Variants in CNTN5 observed in about 807,000 individuals in gnomAD.
CNTN5 encodes contactin 5.
CNTN5 carries 77 observed loss-of-function variants against 129.1 expected under a neutral mutation model. The ratio of observed to expected loss-of-function variants is 0.60; its 90% confidence interval spans 0.50 to 0.72. The LOEUF (loss-of-function observed/expected upper bound fraction) is 0.72, where lower values mean the gene tolerates loss of function less well. CNTN5 is among the 30% of genes least tolerant of loss of function. CNTN5 has a pLI of 0.00. For missense variants in CNTN5, 1,478 were observed against 1,328.8 expected (o/e 1.11, Z -1.75); for synonymous variants, 509 against 465.6 (o/e 1.09, Z -1.20).
intron 1 of CNTN5, among the ~76,000 whole-genome samples, chr11:99,273,992 C>G (rs1863303086): frequency 6.6e-6 from 1 of 151,694 alleles, no homozygotes; most frequent in Non-Finnish European, 1.5e-5. Flanking sequence ...TAGCCTTTCA[C>G]ATTTACATTT....
intron 18 of CNTN5, among the ~76,000 whole-genome samples, chr11:100,272,407 A>G (rs993710627): frequency 6.6e-6 from 1 of 152,190 alleles, no homozygotes; most frequent in African/African-American, 2.4e-5. Flanking sequence ...GACCTCTAAC[A>G]AATTAAACAA....
chr11:99,968,656 C>CTTTTTTTTTTTTT (rs71050037), intron 8 of CNTN5, among the ~76,000 whole-genome samples: 7 of 73,870 alleles, frequency 9.5e-5, no homozygotes, highest in Non-Finnish European at 1.5e-4. Flanking sequence ...GCTTTGGGTA[C>CTTTTTTTTTTTTT]TTTTTTTTTT....
chr11:99,255,331 T>C (rs1391482203), intron 1 of CNTN5, among the ~76,000 whole-genome samples: 4 of 151,790 alleles, frequency 2.6e-5, no homozygotes, highest in African/African-American at 7.2e-5. Flanking sequence ...AACATATAGT[T>C]ACTATTTTGG....
At chr11:100,156,897 G>A (rs550735399) in intron 13 of CNTN5, among the ~76,000 whole-genome samples, 1 of 151,618 alleles carries the variant, frequency 6.6e-6, no homozygotes, top group East Asian at 2.0e-4. Context: ...TTATCAGTCT[G>A]GCTAGTGGTC....
intron 3 of CNTN5, among the ~76,000 whole-genome samples, chr11:99,591,737 G>A (rs1949988065): frequency 1.3e-5 from 2 of 152,052 alleles, no homozygotes; most frequent in South Asian, 4.1e-4. Context: ...AGAGGCTGGG[G>A]GAACTTGAGA....
intron 21 of CNTN5, chr11:100,309,648 A>G: frequency 5.1e-6 from 5 of 984,150 alleles, no homozygotes; most frequent in Non-Finnish European, 6.0e-6. Flanking sequence ...TCAGCAAATG[A>G]TAATATATAT....
intron 3 of CNTN5, among the ~76,000 whole-genome samples, chr11:99,580,106 G>A (rs1318325214): frequency 1.3e-5 from 2 of 152,072 alleles, no homozygotes; most frequent in African/African-American, 4.8e-5. Context: ...TTTTGTCTTT[G>A]GTTCTGTTTA....
chr11:99,930,385 A>T (rs1400375753), intron 7 of CNTN5, among the ~76,000 whole-genome samples: 1 of 152,136 alleles, frequency 6.6e-6, no homozygotes, highest in Non-Finnish European at 1.5e-5. Flanking sequence ...TGTTTGTTCA[A>T]TTCCTAGGAT....
intron 1 of CNTN5, among the ~76,000 whole-genome samples, chr11:99,050,318 A>T (rs974157044): frequency 2.0e-5 from 3 of 152,042 alleles, no homozygotes; most frequent in African/African-American, 7.2e-5. Context: ...GGATTTGTTT[A>T]TGTTTTAGGG....
chr11:99,816,690 G>A (rs1565563678), intron 3 of CNTN5, among the ~76,000 whole-genome samples: 1 of 152,134 alleles, frequency 6.6e-6, no homozygotes, highest in African/African-American at 2.4e-5. Context: ...TGGCACTACA[G>A]CCAGAGTGAT....
intron 1 of CNTN5, among the ~76,000 whole-genome samples, chr11:99,317,604 A>G (rs1335863079): frequency 2.0e-5 from 3 of 152,086 alleles, no homozygotes; most frequent in Non-Finnish European, 2.9e-5. Context: ...ACATTTTGAC[A>G]TACTCTAGAG....
chr11:100,196,350 C>T (rs11223174), intron 15 of CNTN5, among the ~76,000 whole-genome samples: 12,512 of 151,900 alleles, frequency 0.082, 708 homozygotes, highest in Non-Finnish European at 0.12. Context: ...TTGTAGATGC[C>T]AAAATATGAC....
At chr11:100,162,328 T>C (rs1947483284) in intron 13 of CNTN5, among the ~76,000 whole-genome samples, 1 of 151,944 alleles carries the variant, frequency 6.6e-6, no homozygotes, top group Non-Finnish European at 1.5e-5. Context: ...TCCTCTATGC[T>C]AATTATACTT....
chr11:99,945,963 A>C (rs1366445182), intron 7 of CNTN5, among the ~76,000 whole-genome samples: 1 of 152,122 alleles, frequency 6.6e-6, no homozygotes. Flanking sequence ...CAAGCATGAA[A>C]AAAAAAATCT....
At chr11:99,838,377 C>T (rs1008314525) in intron 4 of CNTN5, among the ~76,000 whole-genome samples, 1 of 152,072 alleles carries the variant, frequency 6.6e-6, no homozygotes, top group Non-Finnish European at 1.5e-5. Context: ...AATGATACTT[C>T]TATCTCTTAT....
chr11:99,529,420 A>G (rs748783964), intron 2 of CNTN5, among the ~76,000 whole-genome samples: 3 of 152,230 alleles, frequency 2.0e-5, no homozygotes, highest in Non-Finnish European at 4.4e-5. Flanking sequence ...AATAAAGACA[A>G]TAACAAGGTA....
chr11:99,211,002 A>G (rs1183693364), intron 1 of CNTN5, among the ~76,000 whole-genome samples: 1 of 152,156 alleles, frequency 6.6e-6, no homozygotes, highest in Admixed American at 6.6e-5. Context: ...ATTCCTGTCT[A>G]TATAATCAGT....
intron 1 of CNTN5, among the ~76,000 whole-genome samples, chr11:99,207,107 C>T (rs78696825): frequency 1.3e-4 from 20 of 151,906 alleles, no homozygotes; most frequent in African/African-American, 3.1e-4. Flanking sequence ...ATTTGCTCTT[C>T]GAAAATTTAT....
Position 100,358,357 on chromosome 11 carries a change from G to C in CNTN5, c.*2137G>C, listed in dbSNP as rs1952571691. The C allele has an allele frequency of 6.6e-6, 1 of 151,810 alleles. No homozygotes were observed. The highest frequency in any genetic ancestry group is 2.4e-5 in the African/African-American group (1 of 41,402). 9.4% of individuals were successfully genotyped at this position (151,810 alleles called of 1,614,324 possible). On this transcript the variant is annotated 3_prime_UTR_variant, in exon 25 of 25. Coordinates refer to ENST00000524871, the MANE Select transcript of CNTN5 (RefSeq NM_014361.4). Reference sequence around the variant, plus strand: ...TGATGGATGGTACGTATCTGACAGAGTATTTACACATATAGAATGTCTGAT... The same window carrying C: ...TGATGGATGGTACGTATCTGACAGACTATTTACACATATAGAATGTCTGAT...
Sources: gnomAD v4.1 joint callset for allele counts (sites outside exome capture counted in the v4.1 genomes callset) on GRCh38, gnomAD v4.1.1 for gene constraint, MANE v1.5 for transcripts, NCBI Gene and HGNC (gene_info 2026-07-23, HGNC 2026-07-21) for gene names.